NDFIP2: variants seen among roughly 807,000 people sequenced by gnomAD.
NDFIP2 encodes the protein Nedd4 family interacting protein 2, also known as NEDD4 family-interacting protein 2.
In NDFIP2, 19 loss-of-function variants were observed where a neutral mutation model predicts 36.0. That is an observed-to-expected ratio of 0.53 (90% confidence interval 0.37 to 0.77). The LOEUF is 0.77. Ranked by LOEUF, NDFIP2 falls within the 30% of genes least tolerant of loss-of-function variation. The pLI is 0.00. For synonymous variants in NDFIP2, 181 were observed against 167.7 expected, an observed-to-expected ratio of 1.08 and a Z score of -0.61; for missense variants, 446 against 435.8, an observed-to-expected ratio of 1.02 and a Z score of -0.21.
In NDFIP2 at chr13:79,481,629, T is replaced by C. The variant is rs551459709; in HGVS notation, c.321+105T>C. ...CGGAGGAAAAGCTGTGGCTTTTTTT[T>C]GTTGTGTTTTGTTTTGTTTTTTTGG... is the stretch of plus-strand genomic sequence containing the variant. On this transcript the variant is annotated intron_variant, in intron 1 of 7. Coordinates refer to ENST00000218652, the MANE Select transcript of NDFIP2 (RefSeq NM_019080.3). The C allele has an allele frequency of 3.0e-6, 4 of 1,349,640 alleles. No individual in the cohort carries two copies. The Admixed American group carries it at 8.4e-5, about 28-fold the overall frequency. The allele number at this position is 1,349,640 out of a possible 1,614,324, so 83.6% of individuals were successfully genotyped here.
intron 3 of NDFIP2, among the ~76,000 whole-genome samples, chr13:79,534,467 G>C (rs573847570): frequency 7.0e-6 from 1 of 143,370 alleles, no homozygotes; most frequent in Non-Finnish European, 1.5e-5. Flanking sequence ...AGATACATGT[G>C]TATTACTCTT....
intron 1 of NDFIP2, among the ~76,000 whole-genome samples, chr13:79,503,242 G>A (rs1229474081): frequency 6.6e-6 from 1 of 152,132 alleles, no homozygotes; most frequent in East Asian, 1.9e-4. Context: ...AACTCTTATG[G>A]CCTTGTTGGA....
chr13:79,541,018 G>T (rs1354674610), intron 4 of NDFIP2, among the ~76,000 whole-genome samples: 1 of 152,002 alleles, frequency 6.6e-6, no homozygotes, highest in Admixed American at 6.6e-5. Flanking sequence ...TGGTTTAACT[G>T]GTAATCCTAT....
chr13:79,528,852 A>C (rs565671408), intron 2 of NDFIP2, among the ~76,000 whole-genome samples: 3 of 152,216 alleles, frequency 2.0e-5, no homozygotes, highest in Non-Finnish European at 4.4e-5. Context: ...GATGTTCCAC[A>C]AAAACTAAAT....
At chr13:79,483,294 T>C (rs911639205) in intron 1 of NDFIP2, among the ~76,000 whole-genome samples, 2 of 152,146 alleles carry the variant, frequency 1.3e-5, no homozygotes, top group Non-Finnish European at 2.9e-5. Flanking sequence ...TAAGGCAATG[T>C]TAGTGTTAGA....
chr13:79,496,318 G>A (rs1336854165), intron 1 of NDFIP2, among the ~76,000 whole-genome samples: 3 of 151,676 alleles, frequency 2.0e-5, no homozygotes, highest in Non-Finnish European at 4.4e-5. Context: ...TATATCTTAG[G>A]GTATAGAACT....
rs183524490 is a variant in NDFIP2 at position 79,487,029 on chromosome 13, A to G, written c.321+5505A>G. Among the ~76,000 whole-genome samples, 10 of 152,266 alleles carry G rather than the reference A, an allele frequency of 6.6e-5. 1 individual carries two copies. The South Asian group carries it at 8.3e-4, about 13-fold the overall frequency. The stretch of plus-strand genomic sequence containing the variant: ...CGTCATCTAAACCTAATTACCTCCT[A>G]TAGGCTCTAACTTCAAATAACATCA... On this transcript the variant is annotated intron_variant, in intron 1 of 7. Transcript: ENST00000218652.
rs527718321 is a variant in NDFIP2 at position 79,525,662 on chromosome 13, G to A, written c.487+4687G>A. ...TGACAGCGTGTATACACTGGACAAA[G>A]GGATGATTCACATCCTGGCCAGGAC... On this transcript the variant is annotated intron_variant, in intron 2 of 7. Coordinates refer to ENST00000218652, the MANE Select transcript of NDFIP2 (RefSeq NM_019080.3). Among the ~76,000 whole-genome samples, 409 of 152,286 alleles carry A rather than the reference G, an allele frequency of 2.7e-3. 1 individual carries two copies. Among genetic ancestry groups the A allele is most frequent in the Non-Finnish European group, 2.9e-3 (200 of 68,030 alleles).
intron 3 of NDFIP2, among the ~76,000 whole-genome samples, chr13:79,533,808 G>T (rs955961881): frequency 6.6e-6 from 1 of 152,112 alleles, no homozygotes; most frequent in Non-Finnish European, 1.5e-5. Flanking sequence ...TTAACAATAG[G>T]CTGTGAGTCG....
At chr13:79,508,150 A>G (rs1043307432) in intron 1 of NDFIP2, among the ~76,000 whole-genome samples, 8 of 152,220 alleles carry the variant, frequency 5.3e-5, no homozygotes, top group Admixed American at 5.2e-4. Context: ...TTTATTGCCT[A>G]CTGGCTAGAA....
Position 79,553,196 on chromosome 13 carries a change from A to G in NDFIP2, c.*683A>G, listed in dbSNP as rs1176683203. The G allele has an allele frequency of 6.6e-6, 1 of 151,126 alleles. No individual in the cohort carries two copies. Among genetic ancestry groups the G allele is most frequent in the African/African-American group, 2.4e-5 (1 of 41,354 alleles). The allele number at this position is 151,126 out of a possible 1,614,324, so 9.4% of individuals were successfully genotyped here. ...ACTAAATATATATGTGTATATGTAT[A>G]CACATATATATACACACACACATAT... On this transcript the variant is annotated 3_prime_UTR_variant, in exon 8 of 8. Transcript: ENST00000218652.
chr13:79,505,694 A>G (rs1448497301), intron 1 of NDFIP2, among the ~76,000 whole-genome samples: 1 of 151,946 alleles, frequency 6.6e-6, no homozygotes, highest in Non-Finnish European at 1.5e-5. Context: ...GTGAAAATAG[A>G]ATACCATTTT....
intron 2 of NDFIP2, among the ~76,000 whole-genome samples, chr13:79,528,613 A>C (rs932082856): frequency 1.3e-5 from 2 of 152,152 alleles, no homozygotes; most frequent in Non-Finnish European, 2.9e-5. Context: ...TAGGTGCCCT[A>C]TCCAGGTCGG....
At chr13:79,548,437 C>T in intron 6 of NDFIP2, 43 bp downstream of exon 6, 2 of 1,380,326 alleles carry the variant, frequency 1.4e-6, no homozygotes, top group South Asian at 1.3e-5. Context: ...TGGATATTTC[C>T]AAAAACTGTA....
chr13:79,493,821 A>G (rs1873335811), intron 1 of NDFIP2, among the ~76,000 whole-genome samples: 1 of 152,032 alleles, frequency 6.6e-6, no homozygotes, highest in South Asian at 2.1e-4. Context: ...ATTGTGTAGC[A>G]CTCACACCTC....
intron 1 of NDFIP2, among the ~76,000 whole-genome samples, chr13:79,496,116 A>G (rs1873425213): frequency 6.6e-6 from 1 of 151,868 alleles, no homozygotes; most frequent in African/African-American, 2.4e-5. Flanking sequence ...TTCCTTAGAT[A>G]TTTACCATTC....
intron 3 of NDFIP2, among the ~76,000 whole-genome samples, chr13:79,534,350 GTTTTTTT>G (rs532659161): frequency 3.1e-5 from 3 of 95,406 alleles, no homozygotes; most frequent in Non-Finnish European, 5.8e-5. Context: ...TTTGTCAGCT[GTTTTTTT>G]TTTTTTTTTT....
At chr13:79,537,316 G>C (rs1875280466) in intron 3 of NDFIP2, among the ~76,000 whole-genome samples, 1 of 151,960 alleles carries the variant, frequency 6.6e-6, no homozygotes, top group Non-Finnish European at 1.5e-5. Flanking sequence ...TCGCCATGTT[G>C]GTCAGGCTAG....
At chr13:79,517,555 A>G (rs558174675) in intron 1 of NDFIP2, among the ~76,000 whole-genome samples, 6 of 152,362 alleles carry the variant, frequency 3.9e-5, no homozygotes, top group African/African-American at 1.4e-4. Flanking sequence ...AATTTTATTT[A>G]AAGTAAATTG....
Sources: gnomAD v4.1 joint callset for allele counts (sites outside exome capture counted in the v4.1 genomes callset) on GRCh38, gnomAD v4.1.1 for gene constraint, MANE v1.5 for transcripts, NCBI Gene and HGNC (gene_info 2026-07-23, HGNC 2026-07-21) for gene names.